Variants in MAEL observed in about 807,000 individuals in gnomAD.
MAEL encodes protein maelstrom homolog.
A neutral mutation model predicts 62.0 loss-of-function variants in MAEL; 46 were observed. That is an observed-to-expected ratio of 0.74 (90% CI 0.59 to 0.95). MAEL has a LOEUF of 0.95. Among genes scored for constraint, MAEL ranks in the 40% least tolerant of loss-of-function variants. The pLI is 0.00. For synonymous variants in MAEL, 172 were observed against 175.5 expected (o/e 0.98, Z 0.16); for missense variants, 497 against 526.8 (o/e 0.94, Z 0.55).
chr1:166,994,518 A>C (rs1308621732), intron 5 of MAEL, among the ~76,000 whole-genome samples: 3 of 152,210 alleles, frequency 2.0e-5, no homozygotes, highest in African/African-American at 7.2e-5. Flanking sequence ...TGTATATCTA[A>C]GCCCTTGAAC....
intron 11 of MAEL, 60 bp from the exon 12 acceptor site, chr1:167,021,608 C>G: frequency 3.4e-6 from 4 of 1,182,700 alleles, no homozygotes; most frequent in Non-Finnish European, 4.7e-6. Flanking sequence ...ATTGAGGCAT[C>G]TCTTTGTAAT....
chr1:167,000,329 ATGACTT>A (rs1311044228), intron 5 of MAEL, among the ~76,000 whole-genome samples: 3 of 152,208 alleles, frequency 2.0e-5, no homozygotes, highest in Non-Finnish European at 4.4e-5. Context: ...GCTCTCATGA[ATGACTT>A]TGAGCAGTTC....
At chr1:167,000,454 T>C (rs1400625839) in intron 5 of MAEL, among the ~76,000 whole-genome samples, 1 of 152,180 alleles carries the variant, frequency 6.6e-6, no homozygotes, top group African/African-American at 2.4e-5. Context: ...TTGCTTCTTA[T>C]GGGTGAGAAA....
chr1:167,006,604 T>C (rs1295040955), intron 8 of MAEL, among the ~76,000 whole-genome samples: 26 of 62,046 alleles, frequency 4.2e-4, no homozygotes, highest in African/African-American at 2.9e-3. Flanking sequence ...TTTTTTACTA[T>C]ATATATATAT....
chr1:166,989,760 G>C lies in MAEL; in HGVS notation c.156G>C (p.Glu52Asp). 6.2e-7 allele frequency: 1 copy of C among 1,614,016 alleles called. No homozygotes were observed. Among genetic ancestry groups the C allele is most frequent in the Non-Finnish European group, 8.5e-7 (1 of 1,180,006 alleles). Residue 52 changes from glutamate to aspartate, a missense_variant, in exon 2 of 12, where the codon GAG becomes GAC. Transcript: ENST00000367872. Reference protein sequence around the residue: ...DWALLREEEKEKYAEMAREWR... With the variant: ...DWALLREEEKDKYAEMAREWR... ...AGCTTCTGAGGGAGGAAGAAAAGGAGAAATACGCAGAAATGGCTCGAGAAT... is the reference window on the plus strand; with the variant it reads ...AGCTTCTGAGGGAGGAAGAAAAGGACAAATACGCAGAAATGGCTCGAGAAT...
Position 167,017,868 on chromosome 1 carries a change from A to G in MAEL, c.950A>G (p.Gln317Arg). The change falls in exon 10 of 12, where the codon CAG (glutamine) becomes CGG (arginine). Residue 317 changes from glutamine (Q) to arginine (R), a missense_variant. Physicochemically the swap from Gln to Arg is conservative, Grantham distance 43 (BLOSUM62 1). Transcript: ENST00000367872. Reference sequence around the variant, plus strand: ...TCTCTGGCCACTCTCTTTGGAATCCAGCTCACAGAGGCTCATGTACCACTA... The same window carrying G: ...TCTCTGGCCACTCTCTTTGGAATCCGGCTCACAGAGGCTCATGTACCACTA... Reference protein sequence around the residue: ...SNSLATLFGIQLTEAHVPLQD... With the variant: ...SNSLATLFGIRLTEAHVPLQD... The G allele has an allele frequency of 6.2e-7, 1 of 1,613,286 alleles. No individual in the cohort carries two copies. Among genetic ancestry groups the G allele is most frequent in the Non-Finnish European group, 8.5e-7 (1 of 1,179,488 alleles).
rs183821284 is a variant in MAEL, at chr1:167,016,657, A to G, written c.908+373A>G. On this transcript the variant is annotated intron_variant, in intron 9 of 11. Transcript: ENST00000367872. ...CTGGGTATATCCCCAAAGAAACGAA[A>G]TACATTGAAGAAATATCTACACTCC... 2.2e-3 allele frequency among the ~76,000 whole-genome samples: 337 copies of G among 152,226 alleles called. 1 individual carries two copies. The highest frequency in any genetic ancestry group is 7.6e-3 in the African/African-American group (317 of 41,542).
Position 166,989,842 on chromosome 1 carries a change from AGAG to A in MAEL, c.225+14_225+16del. ...CTCAGAGAAGCAGGTAAAGTTAACG[AGAG>A]AAGAGCCGCCATCTGCCTGGCACAT... On this transcript the variant is annotated intron_variant, in intron 2 of 11. Transcript: ENST00000367872. 6.2e-7 allele frequency: 1 copy of A among 1,601,216 alleles called. No homozygotes were observed. Among genetic ancestry groups the A allele is most frequent in the Non-Finnish European group, 8.5e-7 (1 of 1,173,156 alleles).
intron 11 of MAEL, 97 bp downstream of exon 11, chr1:167,021,257 G>T (rs960084593): frequency 3.6e-6 from 3 of 837,864 alleles, no homozygotes; most frequent in East Asian, 5.1e-5. Flanking sequence ...ATCTAAATTA[G>T]CTTTAGGATA....
At chr1:166,989,616 T>G in intron 1 of MAEL, 121 bp from the exon 2 acceptor site, 3 of 1,471,526 alleles carry the variant, frequency 2.0e-6, no homozygotes, top group Non-Finnish European at 2.8e-6. Context: ...CCCCCGTTTG[T>G]GGCCCTGGGC....
rs2102138834 is a variant in MAEL at position 167,022,103 on chromosome 1, T to G, written c.*248T>G. 2 of 371,050 alleles carry G rather than the reference T, an allele frequency of 5.4e-6. No homozygotes were observed. The highest frequency in any genetic ancestry group is 9.1e-5 in the East Asian group (2 of 21,950). The allele number at this position is 371,050 out of a possible 1,614,324, so 23.0% of individuals were successfully genotyped here. A position where few individuals can be genotyped will look rare whatever the true frequency, so the allele number is the denominator to read the frequency against. ...GGTATATCATTAAAGTTTGGAGTCC[T>G]ATATGAACAAAACTGACATTTTTAG... is the stretch of plus-strand genomic sequence containing the variant. On this transcript the variant is annotated 3_prime_UTR_variant, in exon 12 of 12. Coordinates refer to ENST00000367872, the MANE Select transcript of MAEL (RefSeq NM_032858.3).
At chr1:166,999,113 C>G (rs1396733202) in intron 5 of MAEL, among the ~76,000 whole-genome samples, 1 of 152,154 alleles carries the variant, frequency 6.6e-6, no homozygotes, top group South Asian at 2.1e-4. Flanking sequence ...CTACAATGGC[C>G]TCTCAGTGTT....
At chr1:166,993,587 T>G (rs1664283096) in intron 4 of MAEL, among the ~76,000 whole-genome samples, 1 of 152,232 alleles carries the variant, frequency 6.6e-6, no homozygotes, top group Non-Finnish European at 1.5e-5. Context: ...CTACTCACAC[T>G]TGTGAGTGTT....
chr1:166,996,350 T>C (rs543660593), intron 5 of MAEL, among the ~76,000 whole-genome samples: 1 of 152,340 alleles, frequency 6.6e-6, no homozygotes, highest in African/African-American at 2.4e-5. Context: ...GTCCTGGTGC[T>C]TCTCCTTCCC....
At chr1:166,997,002 A>G (rs1361756899) in intron 5 of MAEL, among the ~76,000 whole-genome samples, 3 of 152,006 alleles carry the variant, frequency 2.0e-5, no homozygotes, top group Non-Finnish European at 4.4e-5. Context: ...AATTTTTTGT[A>G]TCTTTAGTAG....
Position 166,994,084 on chromosome 1 carries a change from A to G in MAEL, c.523+15A>G. ...TCAGGCTGCAAGTAAGTATAAAGGAATGGGGTAGGATTTGTGACTTGAATC... is the reference window on the plus strand; with the variant it reads ...TCAGGCTGCAAGTAAGTATAAAGGAGTGGGGTAGGATTTGTGACTTGAATC... On this transcript the variant is annotated intron_variant, in intron 5 of 11. Transcript: ENST00000367872. 6.2e-7 allele frequency: 1 copy of G among 1,609,972 alleles called. No homozygotes were observed. The highest frequency in any genetic ancestry group is 8.5e-7 in the Non-Finnish European group (1 of 1,177,310).
intron 1 of MAEL, among the ~76,000 whole-genome samples, chr1:166,979,128 T>C (rs1487158016): frequency 1.3e-5 from 2 of 152,200 alleles, no homozygotes; most frequent in Non-Finnish European, 2.9e-5. Context: ...CAGGCATGCA[T>C]GCACATGAAT....
intron 5 of MAEL, among the ~76,000 whole-genome samples, chr1:166,999,069 C>A (rs1378798101): frequency 1.3e-5 from 2 of 151,768 alleles, no homozygotes; most frequent in African/African-American, 4.8e-5. Flanking sequence ...TTCCCTAAGA[C>A]ACAACAATAT....
chr1:167,001,176 A>G (rs2102089594), intron 5 of MAEL, among the ~76,000 whole-genome samples: 1 of 152,312 alleles, frequency 6.6e-6, no homozygotes. Flanking sequence ...AAAACCAAAC[A>G]CATGTTCTCA....
Sources: allele counts gnomAD v4.1 joint callset (sites outside exome capture counted in the v4.1 genomes callset), GRCh38; gene constraint gnomAD v4.1.1; transcripts MANE v1.5; gene names NCBI Gene and HGNC (gene_info 2026-07-23, HGNC 2026-07-21).